Variants in A2M observed in about 807,000 individuals in gnomAD.
The protein encoded by A2M is alpha-2-macroglobulin.
A2M carries 128 observed loss-of-function variants against 183.9 expected under a neutral mutation model. The ratio of observed to expected loss-of-function variants is 0.70; its 90% CI spans 0.60 to 0.81. The LOEUF is 0.81. A2M is among the 30% of genes least tolerant of loss of function. The probability of loss-of-function intolerance (pLI) is 0.00; values close to 1 mark genes in which losing one functional copy is unlikely to be tolerated. For synonymous variants in A2M, 592 were observed against 670.8 expected (o/e 0.88, Z 1.81); for missense variants, 1,495 against 1,787.6 (o/e 0.84, Z 2.95).
chr12:9,072,319 G>A (rs1185055254), intron 31 of A2M, 40 bp downstream of exon 31: 2 of 1,605,132 alleles, frequency 1.2e-6, no homozygotes, highest in Non-Finnish European at 8.5e-7. Flanking sequence ...AAGACTGGTG[G>A]TTATTCTTAG....
In A2M at chr12:9,108,509, C is replaced by T. The variant is rs193187345; in HGVS notation, c.758+812G>A. Among the ~76,000 whole-genome samples the T allele has an allele frequency of 2.9e-3, 435 of 152,288 alleles. 5 individuals carry two copies. Among genetic ancestry groups the T allele is most frequent in the Non-Finnish European group, 4.6e-3 (314 of 68,028 alleles). On this transcript the variant is annotated intron_variant, in intron 7 of 35. Transcript: ENST00000318602. The stretch of plus-strand genomic sequence containing the variant: ...GTTTCCAAGTGCATTTGTCTCCTTT[C>T]CTATTTGAGAATGTCCTCTGTATGT...
chr12:9,097,321 A>G (rs924753857), intron 15 of A2M, among the ~76,000 whole-genome samples: 3 of 152,146 alleles, frequency 2.0e-5, no homozygotes, highest in Non-Finnish European at 4.4e-5. Context: ...AAAAATATAA[A>G]TTTCTCTTTG....
chr12:9,097,246 A>G (rs1007538370), intron 15 of A2M, among the ~76,000 whole-genome samples: 2 of 152,150 alleles, frequency 1.3e-5, no homozygotes, highest in Non-Finnish European at 2.9e-5. Context: ...ATTTTCAGTT[A>G]AAATCCCATT....
chr12:9,081,427 T>G (rs1288800931), intron 22 of A2M, among the ~76,000 whole-genome samples: 1 of 152,188 alleles, frequency 6.6e-6, no homozygotes, highest in Non-Finnish European at 1.5e-5. Flanking sequence ...TGTAGTTCAA[T>G]TAAAATTCAG....
chr12:9,111,777 A>G (rs1938745644), intron 4 of A2M, among the ~76,000 whole-genome samples: 1 of 152,200 alleles, frequency 6.6e-6, no homozygotes, highest in South Asian at 2.1e-4. Context: ...AATTACCCTG[A>G]CTTTCCTTTA....
At chr12:9,089,397 C>G in intron 21 of A2M, 146 bp from the exon 22 acceptor site, 1 of 652,624 alleles carries the variant, frequency 1.5e-6, no homozygotes, top group Non-Finnish European at 2.7e-6. Flanking sequence ...AAGCAATATA[C>G]GTAGGAGGTA....
intron 22 of A2M, among the ~76,000 whole-genome samples, chr12:9,081,274 C>T (rs774310712): frequency 2.6e-5 from 4 of 151,846 alleles, no homozygotes; most frequent in Non-Finnish European, 5.9e-5. Flanking sequence ...AAAACAACAG[C>T]AAAATTTTTT....
At chr12:9,099,898 G>A (rs1270560586) in intron 13 of A2M, among the ~76,000 whole-genome samples, 1 of 152,216 alleles carries the variant, frequency 6.6e-6, no homozygotes, top group Admixed American at 6.5e-5. Context: ...CCTTCTATGA[G>A]CCAATATTTG....
At position 9,072,719 on chromosome 12, in the gene A2M, G is replaced by A; in HGVS notation, c.3909C>T (p.Val1303=). 1.2e-6 allele frequency: 2 copies of A among 1,614,132 alleles called. No individual in the cohort carries two copies. The highest frequency in any genetic ancestry group is 1.7e-6 in the Non-Finnish European group (2 of 1,180,030). ...DNNNRLLLQQ[V]SLPELPGEYS... ...ATTCCCCAGGCAGCTCTGGCAATGAGACCTGCTGCAGTAACAGGCGGTTGT... is the reference window on the plus strand; with the variant it reads ...ATTCCCCAGGCAGCTCTGGCAATGAAACCTGCTGCAGTAACAGGCGGTTGT... The change falls in exon 30 of 36, where the codon GTC becomes GTT. Residue 1303 remains valine (V), a synonymous_variant. Coordinates refer to ENST00000318602, the MANE Select transcript of A2M (RefSeq NM_000014.6).
Position 9,099,421 on chromosome 12 carries a change from T to C in A2M, c.1661A>G (p.Asp554Gly). The C allele has an allele frequency of 6.3e-7, 1 of 1,579,118 alleles. No homozygotes were observed. The highest frequency in any genetic ancestry group is 8.6e-7 in the Non-Finnish European group (1 of 1,162,066). The change falls in exon 14 of 36, where the codon GAT becomes GGT. Residue 554 changes from aspartate (D) to glycine (G), a missense_variant. Physicochemically the swap from Asp to Gly is moderately conservative, Grantham distance 94. Coordinates refer to ENST00000318602, the MANE Select transcript of A2M (RefSeq NM_000014.6). ...AVLPTGDVIGDSAKYDVENCL... is the reference protein window; with the variant it reads ...AVLPTGDVIGGSAKYDVENCL... ...ATTTTCAACATCATATTTTGCAGAA[T>C]CCCCAATCACGTCCCCGGTAGGTAA... is the stretch of plus-strand genomic sequence containing the variant.
rs977089869 is a variant in A2M, at chr12:9,068,827, G to A, written c.4279C>T (p.Leu1427=). The stretch of plus-strand genomic sequence containing the variant: ...TGCAGAACCGTGAAGAACAAGCTCA[G>A]TGTCTGATTTGACACCTGGAAAGCA... The part of the protein sequence containing the change: ...IYLDKVSNQT[L]SLFFTVLQDV... Residue 1427 remains leucine (L), a synonymous_variant, in exon 34 of 36, where the codon CTG becomes TTG. Coordinates refer to ENST00000318602, the MANE Select transcript of A2M (RefSeq NM_000014.6). 7 of 1,599,408 alleles carry A rather than the reference G, an allele frequency of 4.4e-6. No homozygotes were observed. The highest frequency in any genetic ancestry group is 6.0e-6 in the Non-Finnish European group (7 of 1,173,796).
At chr12:9,099,323 A>G in intron 14 of A2M, 58 bp downstream of exon 14, 1 of 1,491,608 alleles carries the variant, frequency 6.7e-7, no homozygotes, top group Non-Finnish European at 9.1e-7. Context: ...AAAACAAATG[A>G]TAACAATAGT....
At chr12:9,109,283 A>G (rs750023569) in intron 7 of A2M, 38 bp downstream of exon 7, 1 of 1,517,396 alleles carries the variant, frequency 6.6e-7, no homozygotes, top group South Asian at 1.2e-5. Context: ...TCTCTTTTAA[A>G]TAATCCCCCA....
At chr12:9,078,730 G>A (rs1948820864) in intron 25 of A2M, among the ~76,000 whole-genome samples, 1 of 152,146 alleles carries the variant, frequency 6.6e-6, no homozygotes, top group Non-Finnish European at 1.5e-5. Flanking sequence ...ATTTCCTTCT[G>A]CAGATGACAG....
chr12:9,068,363 A>C, intron 34 of A2M, 139 bp from the exon 35 acceptor site: 2 of 854,230 alleles, frequency 2.3e-6, no homozygotes, highest in Non-Finnish European at 3.6e-6. Context: ...AGCATCATTC[A>C]TCTGATGTGT....
chr12:9,106,283 C>G lies in A2M; in HGVS notation c.1057G>C (p.Val353Leu), dbSNP rs182431409. ...TGTCGAAAGTGTGAGTCCACTTTCA[C>G]AAATGAGAGTTTGGTTATGGTTCTT... ...ITRTITKLSF[V>L]KVDSHFRQGI... Residue 353 changes from valine (V) to leucine (L), a missense_variant, in exon 10 of 36, where the codon GTG becomes CTG. Physicochemically the swap from Val to Leu is conservative, Grantham distance 32 (BLOSUM62 1). Coordinates refer to ENST00000318602, the MANE Select transcript of A2M (RefSeq NM_000014.6). The G allele has an allele frequency of 7.4e-6, 12 of 1,613,582 alleles. No homozygotes were observed. The African/African-American group carries it at 1.6e-4, about 22-fold the overall frequency.
chr12:9,074,652 C>A lies in A2M; in HGVS notation c.3664G>T (p.Ala1222Ser). Residue 1222 changes from alanine (A) to serine (S), a missense_variant, in exon 29 of 36, where the codon GCC becomes TCC. By Grantham distance (99) the Ala-to-Ser change is moderately conservative. Coordinates refer to ENST00000318602, the MANE Select transcript of A2M (RefSeq NM_000014.6). ...GAGGTCAGGTCCTCCGAGGTTGGGG[C>A]TGGCTGGGCCGTGAGATAAGCGAGG... is the stretch of plus-strand genomic sequence containing the variant. ...VLLAYLTAQP[A>S]PTSEDLTSAT... 1 of 1,614,040 alleles carries A rather than the reference C, an allele frequency of 6.2e-7. No homozygotes were observed. Among genetic ancestry groups the A allele is most frequent in the Non-Finnish European group, 8.5e-7 (1 of 1,179,974 alleles).
chr12:9,091,127 C>T, intron 19 of A2M, 74 bp downstream of exon 19: 1 of 1,503,352 alleles, frequency 6.7e-7, no homozygotes, highest in Non-Finnish European at 9.2e-7. Flanking sequence ...CAAGAGTTTG[C>T]AGTATTCCTA....
intron 34 of A2M, 130 bp downstream of exon 34, chr12:9,068,610 G>T: frequency 1.3e-6 from 1 of 774,134 alleles, no homozygotes; most frequent in Non-Finnish European, 2.1e-6. Flanking sequence ...AGGGGCATCA[G>T]ACTTGATGGA....
Sources: gnomAD v4.1 joint callset for allele counts (sites outside exome capture counted in the v4.1 genomes callset) on GRCh38, gnomAD v4.1.1 for gene constraint, MANE v1.5 for transcripts, NCBI Gene and HGNC (gene_info 2026-07-23, HGNC 2026-07-21) for gene names.